The following TSHZ2 variants were observed in gnomAD, a reference collection of about 807,000 sequenced individuals.
TSHZ2 encodes the protein teashirt homolog 2.
In TSHZ2, 21 loss-of-function variants were observed where a neutral mutation model predicts 74.4. That is an observed-to-expected ratio of 0.28 (90% CI 0.20 to 0.41). The LOEUF (loss-of-function observed/expected upper bound fraction) is 0.41. Among genes scored for constraint, TSHZ2 ranks in the 10% least tolerant of loss-of-function variants. The probability of loss-of-function intolerance (pLI) is 1.00; values close to 1 mark genes in which losing one functional copy is unlikely to be tolerated. For synonymous variants in TSHZ2, 540 were observed against 515.3 expected (o/e 1.05, Z -0.65); for missense variants, 1,244 against 1,293.5 (o/e 0.96, Z 0.59).
At position 53,116,747 on chromosome 20, in the gene TSHZ2, G is replaced by T. The variant is rs182242581; in HGVS notation, c.41-136752G>T. On this transcript the variant is annotated intron_variant, in intron 1 of 2. Coordinates refer to ENST00000371497, the MANE Select transcript of TSHZ2 (RefSeq NM_173485.6). The stretch of plus-strand genomic sequence containing the variant: ...ACCTCCTCTGGCCTCCCAAATGTTT[G>T]TTTAGTATATTGTTTTGAATGGCAT... Among the ~76,000 whole-genome samples the T allele has an allele frequency of 2.0e-5, 3 of 152,298 alleles. No homozygotes were observed. In the East Asian group the frequency reaches 5.8e-4, roughly 29 times the overall value.
At chr20:53,353,497 T>G (rs996106749) in intron 2 of TSHZ2, among the ~76,000 whole-genome samples, 3 of 152,248 alleles carry the variant, frequency 2.0e-5, no homozygotes, top group Non-Finnish European at 4.4e-5. Context: ...CCCGTGCCAT[T>G]AAGCATTTTC....
At chr20:53,322,514 A>G (rs1031831574) in intron 2 of TSHZ2, among the ~76,000 whole-genome samples, 3 of 148,894 alleles carry the variant, frequency 2.0e-5, no homozygotes, top group Non-Finnish European at 4.5e-5. Flanking sequence ...CCCTGTCTCA[A>G]AAAAAAAAAA....
At chr20:53,419,633 C>T (rs1983394676) in intron 2 of TSHZ2, among the ~76,000 whole-genome samples, 1 of 152,198 alleles carries the variant, frequency 6.6e-6, no homozygotes, top group Admixed American at 6.5e-5. Flanking sequence ...GACTCCAGAG[C>T]AGGAGGTCTT....
At chr20:53,032,678 A>G (rs1983682252) in intron 1 of TSHZ2, among the ~76,000 whole-genome samples, 1 of 151,990 alleles carries the variant, frequency 6.6e-6, no homozygotes, top group South Asian at 2.1e-4. Flanking sequence ...ATTCAGTTTG[A>G]TGGGGATTTG....
At chr20:53,047,467 C>T (rs1370927946) in intron 1 of TSHZ2, among the ~76,000 whole-genome samples, 1 of 152,096 alleles carries the variant, frequency 6.6e-6, no homozygotes, top group Non-Finnish European at 1.5e-5. Flanking sequence ...CAGTGGAAGG[C>T]AGGCCCCTCT....
chr20:52,989,420 G>C (rs780888660), intron 1 of TSHZ2, among the ~76,000 whole-genome samples: 1 of 151,976 alleles, frequency 6.6e-6, no homozygotes, highest in Non-Finnish European at 1.5e-5. Context: ...CAGTCAGATG[G>C]AATAGAAGAA....
intron 1 of TSHZ2, among the ~76,000 whole-genome samples, chr20:53,041,152 C>T (rs1406384743): frequency 6.6e-6 from 1 of 152,176 alleles, no homozygotes; most frequent in Non-Finnish European, 1.5e-5. Flanking sequence ...TGATTGGAAA[C>T]CCAGTGGGTT....
chr20:53,187,230 G>A (rs528486788), intron 1 of TSHZ2, among the ~76,000 whole-genome samples: 1 of 152,272 alleles, frequency 6.6e-6, no homozygotes, highest in Admixed American at 6.5e-5. Context: ...ACAACACCAA[G>A]AAAACATTGC....
intron 2 of TSHZ2, among the ~76,000 whole-genome samples, chr20:53,330,009 T>C (rs1979660785): frequency 6.6e-6 from 1 of 152,220 alleles, no homozygotes; most frequent in African/African-American, 2.4e-5. Flanking sequence ...CCATGTCCAT[T>C]TGTTTACATG....
intron 2 of TSHZ2, among the ~76,000 whole-genome samples, chr20:53,259,375 C>A (rs6013652): frequency 2.0e-5 from 3 of 152,136 alleles, no homozygotes; most frequent in South Asian, 2.1e-4. Context: ...TGCAACTTTT[C>A]GTTAAAAATT....
intron 2 of TSHZ2, among the ~76,000 whole-genome samples, chr20:53,413,920 T>A (rs1983144320): frequency 6.6e-6 from 1 of 152,048 alleles, no homozygotes; most frequent in African/African-American, 2.4e-5. Flanking sequence ...GGCAGGAGGA[T>A]CACTTGAGTC....
chr20:53,184,047 T>G (rs1201425950), intron 1 of TSHZ2, among the ~76,000 whole-genome samples: 1 of 152,204 alleles, frequency 6.6e-6, no homozygotes, highest in East Asian at 1.9e-4. Context: ...CAGTTCCCTC[T>G]CAGTCGCTTC....
intron 2 of TSHZ2, among the ~76,000 whole-genome samples, chr20:53,471,177 T>C (rs1391726488): frequency 6.6e-6 from 1 of 152,258 alleles, no homozygotes; most frequent in Non-Finnish European, 1.5e-5. Flanking sequence ...AAGTTGTTTC[T>C]TTCATAGAAT....
intron 2 of TSHZ2, among the ~76,000 whole-genome samples, chr20:53,461,929 G>A (rs1238805614): frequency 6.6e-6 from 1 of 151,580 alleles, no homozygotes; most frequent in East Asian, 1.9e-4. Flanking sequence ...ATTCAAAACT[G>A]AATTCTAAAA....
chr20:53,339,795 A>G (rs969639046), intron 2 of TSHZ2, among the ~76,000 whole-genome samples: 1 of 152,160 alleles, frequency 6.6e-6, no homozygotes, highest in African/African-American at 2.4e-5. Context: ...TCTCCTGGGC[A>G]CTGCTGGAGG....
rs769748329 is a variant in TSHZ2, at chr20:53,086,515, C to G, written c.40+113182C>G. 1.6e-4 allele frequency among the ~76,000 whole-genome samples: 25 copies of G among 152,130 alleles called. 1 individual carries two copies. The East Asian group carries it at 2.9e-3, about 18-fold the overall frequency. On this transcript the variant is annotated intron_variant, in intron 1 of 2. Coordinates refer to ENST00000371497, the MANE Select transcript of TSHZ2 (RefSeq NM_173485.6). ...AAGGTATGGCTTGAATAGATCATCC[C>G]CAAGTGTGTCTACCACATTGGTTCT...
At chr20:53,300,229 G>GA (rs965329166) in intron 2 of TSHZ2, among the ~76,000 whole-genome samples, 2 of 151,786 alleles carry the variant, frequency 1.3e-5, no homozygotes, top group Admixed American at 6.6e-5. Flanking sequence ...AGGAGAGAGG[G>GA]AAAAAAAACT....
rs1175907478 is a variant in TSHZ2 at position 53,342,955 on chromosome 20, C to CTTTTTTTT, written c.*8+86406_*8+86413dup. 3.9e-3 allele frequency among the ~76,000 whole-genome samples: 239 copies of CTTTTTTTT among 61,232 alleles called. 35 individuals carry two copies. Among genetic ancestry groups the CTTTTTTTT allele is most frequent in the African/African-American group, 8.4e-3 (126 of 14,976 alleles). The allele number at this position is 61,232 out of a possible 152,430, so 40.2% of individuals were successfully genotyped here. On this transcript the variant is annotated intron_variant, in intron 2 of 2. Coordinates refer to ENST00000371497, the MANE Select transcript of TSHZ2 (RefSeq NM_173485.6). Reference sequence around the variant, plus strand: ...TATTTCTTTTCTTTTCTTTTCTTTTCTTTTTTTTTTTTTTTTTTTTTTTTT... The same window carrying CTTTTTTTT: ...TATTTCTTTTCTTTTCTTTTCTTTTCTTTTTTTTTTTTTTTTTTTTTTTTTTTTTTTTT...
intron 1 of TSHZ2, among the ~76,000 whole-genome samples, chr20:53,237,834 G>A (rs1282400435): frequency 2.0e-5 from 3 of 152,092 alleles, no homozygotes; most frequent in Admixed American, 6.6e-5. Context: ...AGCATGTGGG[G>A]ACTCTTAAAT....
Sources: gnomAD v4.1 joint callset for allele counts (sites outside exome capture counted in the v4.1 genomes callset) on GRCh38, gnomAD v4.1.1 for gene constraint, MANE v1.5 for transcripts, NCBI Gene and HGNC (gene_info 2026-07-23, HGNC 2026-07-21) for gene names.